Variants in NTPCR observed in about 807,000 individuals in gnomAD.
NTPCR encodes the protein nucleoside-triphosphatase, cancer-related.
In NTPCR, 15 loss-of-function variants were observed where a neutral mutation model predicts 19.5. That is an observed-to-expected ratio of 0.77 (90% CI 0.51 to 1.18). The LOEUF (loss-of-function observed/expected upper bound fraction) is 1.18, where lower values mean the gene tolerates loss of function less well. Among genes scored for constraint, NTPCR ranks in the 50% most tolerant of loss-of-function variants. The probability of loss-of-function intolerance (pLI) is 0.00; values close to 1 mark genes in which losing one functional copy is unlikely to be tolerated. For missense variants in NTPCR, 206 were observed against 240.4 expected (o/e 0.86, Z 0.95); for synonymous variants, 90 against 95.8 (o/e 0.94, Z 0.36).
intron 1 of NTPCR, 140 bp from the exon 2 acceptor site, chr1:232,955,417 A>T: frequency 1.7e-6 from 1 of 581,976 alleles, no homozygotes; most frequent in East Asian, 3.2e-5. Context: ...ATTGAAGTTC[A>T]TATTCATAAA....
chr1:232,983,224 C>G lies in NTPCR; in HGVS notation c.*4993C>G, dbSNP rs1052750030. On this transcript the variant is annotated 3_prime_UTR_variant, in exon 5 of 5. Transcript: ENST00000366628. ...TTTAAAATTGAGTATTTCCTTCTAA[C>G]TATTGTCTTTTGAAAAGGGATGGTT... is the stretch of plus-strand genomic sequence containing the variant. The G allele has an allele frequency of 1.3e-5, 2 of 152,172 alleles. No individual in the cohort carries two copies. Among genetic ancestry groups the G allele is most frequent in the African/African-American group, 4.8e-5 (2 of 41,438 alleles). 9.4% of individuals were successfully genotyped at this position (152,172 alleles called of 1,614,324 possible). A position where few individuals can be genotyped will look rare whatever the true frequency, so the allele number is the denominator to read the frequency against.
At chr1:232,966,527 A>G (rs139037406) in intron 3 of NTPCR, 1 of 152,256 alleles carries the variant, frequency 6.6e-6, no homozygotes, top group African/African-American at 2.4e-5. Flanking sequence ...AAAAGTACAT[A>G]TAAAAATAAA....
chr1:232,974,775 C>T (rs557744386), intron 4 of NTPCR, among the ~76,000 whole-genome samples: 1 of 152,272 alleles, frequency 6.6e-6, no homozygotes, highest in East Asian at 1.9e-4. Context: ...ATCAGTAACC[C>T]AGTCCTGCCA....
intron 4 of NTPCR, among the ~76,000 whole-genome samples, chr1:232,976,035 C>G (rs1372970833): frequency 2.0e-5 from 3 of 152,142 alleles, no homozygotes; most frequent in African/African-American, 7.2e-5. Flanking sequence ...GAGAGTTGCA[C>G]ATCAACATTT....
chr1:232,980,897 C>G lies in NTPCR; in HGVS notation c.*2666C>G, dbSNP rs1669266430. The stretch of plus-strand genomic sequence containing the variant: ...AGGGCAGATTGAAGTCAGGGATTCT[C>G]TTATACCTGAGTTTGGAATGCCTCC... On this transcript the variant is annotated 3_prime_UTR_variant, in exon 5 of 5. Coordinates refer to ENST00000366628, the MANE Select transcript of NTPCR (RefSeq NM_032324.3). The G allele has an allele frequency of 6.6e-6, 1 of 152,278 alleles. No individual in the cohort carries two copies. The highest frequency in any genetic ancestry group is 2.1e-4 in the South Asian group (1 of 4,816). The allele number at this position is 152,278 out of a possible 1,614,324, so 9.4% of individuals were successfully genotyped here.
In NTPCR at chr1:232,978,601, CT is replaced by C. The variant is rs1401845864; in HGVS notation, c.*371del. ...AGGGGAAGCGGGAGGAAAGAGTTCACTGCCTAATCAGTTTTGCATGTCATGA... is the reference window on the plus strand; with the variant it reads ...AGGGGAAGCGGGAGGAAAGAGTTCACGCCTAATCAGTTTTGCATGTCATGA... On this transcript the variant is annotated 3_prime_UTR_variant, in exon 5 of 5. Coordinates refer to ENST00000366628, the MANE Select transcript of NTPCR (RefSeq NM_032324.3). The C allele has an allele frequency of 1.2e-5, 2 of 164,712 alleles. No individual in the cohort carries two copies. Among genetic ancestry groups the C allele is most frequent in the African/African-American group, 4.8e-5 (2 of 41,892 alleles). 10.2% of individuals were successfully genotyped at this position (164,712 alleles called of 1,614,324 possible). A position where few individuals can be genotyped will look rare whatever the true frequency, so the allele number is the denominator to read the frequency against.
chr1:232,976,543 G>C, intron 4 of NTPCR: 4 of 1,508,820 alleles, frequency 2.7e-6, no homozygotes, highest in Non-Finnish European at 3.5e-6. Flanking sequence ...AACAGGAATG[G>C]ACTTTGGCTA....
At chr1:232,969,803 G>A (rs192371792) in intron 3 of NTPCR, 106 bp from the exon 4 acceptor site, 6 of 918,992 alleles carry the variant, frequency 6.5e-6, no homozygotes, top group South Asian at 4.2e-5. Context: ...CAGTAAAAAG[G>A]TTTCTGTCTT....
chr1:232,968,784 CT>C (rs1277658669), intron 3 of NTPCR: 1 of 152,344 alleles, frequency 6.6e-6, no homozygotes, highest in East Asian at 1.9e-4. Context: ...TGTAAATCAG[CT>C]TTACATACAG....
chr1:232,974,640 T>C (rs978387424), intron 4 of NTPCR, among the ~76,000 whole-genome samples: 1 of 152,198 alleles, frequency 6.6e-6, no homozygotes, highest in Admixed American at 6.5e-5. Flanking sequence ...GTAGAAGAAA[T>C]TGGTGATGGA....
intron 3 of NTPCR, 58 bp from the exon 4 acceptor site, chr1:232,969,851 A>C: frequency 7.2e-7 from 1 of 1,396,126 alleles, no homozygotes; most frequent in Non-Finnish European, 1.0e-6. Flanking sequence ...AGTGGGACCC[A>C]TGGGCCCTTT....
At chr1:232,971,102 A>C (rs992067156) in intron 4 of NTPCR, among the ~76,000 whole-genome samples, 1 of 152,144 alleles carries the variant, frequency 6.6e-6, no homozygotes, top group Non-Finnish European at 1.5e-5. Context: ...ACTTTGTCTA[A>C]ATTCTTGCCT....
intron 2 of NTPCR, 89 bp downstream of exon 2, chr1:232,955,808 C>G: frequency 7.7e-7 from 1 of 1,305,226 alleles, no homozygotes; most frequent in Non-Finnish European, 1.1e-6. Flanking sequence ...GCTAAATTCA[C>G]CAAAAGCAGA....
chr1:232,976,262 T>C, intron 4 of NTPCR: 1 of 1,406,236 alleles, frequency 7.1e-7, no homozygotes, highest in Non-Finnish European at 9.3e-7. Flanking sequence ...CTTTAAATTA[T>C]CATTTTTGTG....
intron 3 of NTPCR, chr1:232,965,190 T>A (rs550118942): frequency 6.6e-6 from 1 of 152,320 alleles, no homozygotes; most frequent in South Asian, 2.1e-4. Flanking sequence ...AACACCAGAG[T>A]GCTATTCGTT....
At chr1:232,976,334 C>T in intron 4 of NTPCR, 1 of 1,512,692 alleles carries the variant, frequency 6.6e-7, no homozygotes, top group African/African-American at 1.4e-5. Flanking sequence ...TTGTTATTTA[C>T]TCTGTAGTCA....
chr1:232,975,596 T>A (rs891540876), intron 4 of NTPCR, among the ~76,000 whole-genome samples: 3 of 152,186 alleles, frequency 2.0e-5, no homozygotes, highest in Non-Finnish European at 2.9e-5. Flanking sequence ...GGATTGGATC[T>A]GGAGGTCACA....
chr1:232,970,128 G>A lies in NTPCR; in HGVS notation c.504+10G>A. Reference sequence around the variant, plus strand: ...TGTGAAGGTGTTTAATGTGAGTACAGCCAGTCCTCCATAATCAGTGGAAAT... The same window carrying A: ...TGTGAAGGTGTTTAATGTGAGTACAACCAGTCCTCCATAATCAGTGGAAAT... On this transcript the variant is annotated intron_variant, in intron 4 of 4. Coordinates refer to ENST00000366628, the MANE Select transcript of NTPCR (RefSeq NM_032324.3). 6.2e-7 allele frequency: 1 copy of A among 1,601,562 alleles called. No homozygotes were observed. Among genetic ancestry groups the A allele is most frequent in the Non-Finnish European group, 8.5e-7 (1 of 1,169,682 alleles).
intron 4 of NTPCR, 57 bp from the exon 5 acceptor site, chr1:232,978,106 C>T: frequency 6.9e-7 from 1 of 1,454,290 alleles, no homozygotes; most frequent in Non-Finnish European, 9.6e-7. Flanking sequence ...TTACCTAGCA[C>T]AAGATTGAAG....
Sources: gnomAD v4.1 joint callset for allele counts (sites outside exome capture counted in the v4.1 genomes callset) on GRCh38, gnomAD v4.1.1 for gene constraint, MANE v1.5 for transcripts, NCBI Gene and HGNC (gene_info 2026-07-23, HGNC 2026-07-21) for gene names.